NRG1: variants seen among roughly 807,000 people sequenced by gnomAD.
The protein encoded by NRG1 is neuregulin 1.
Under a neutral mutation model 63.8 loss-of-function variants are expected in NRG1, and 18 were observed. The observed-to-expected ratio is 0.28, with a 90% CI of 0.19 to 0.42. The LOEUF is 0.42. Ranked by LOEUF, NRG1 falls within the 10% of genes least tolerant of loss-of-function variation. NRG1 has a pLI of 1.00. For missense variants in NRG1, 762 were observed against 814.7 expected (o/e 0.94, Z 0.79); for synonymous variants, 302 against 301.3 (o/e 1.00, Z -0.02).
At chr8:32,658,942 T>C (rs1166756305) in intron 5 of NRG1, among the ~76,000 whole-genome samples, 1 of 152,238 alleles carries the variant, frequency 6.6e-6, no homozygotes, top group Non-Finnish European at 1.5e-5. Context: ...TATGTCACTC[T>C]TGCTCTGTTC....
chr8:31,784,202 C>T (rs1375418513), intron 1 of NRG1, among the ~76,000 whole-genome samples: 1 of 152,114 alleles, frequency 6.6e-6, no homozygotes, highest in Non-Finnish European at 1.5e-5. Context: ...TTGAATTTAC[C>T]CTCAGGGTGG....
intron 1 of NRG1, among the ~76,000 whole-genome samples, chr8:32,189,326 G>A (rs10102035): frequency 0.62 from 93,786 of 151,970 alleles, 29,901 homozygotes; most frequent in Admixed American, 0.72. Context: ...AAGTGAGAAC[G>A]TGTAGTATTT....
intron 1 of NRG1, among the ~76,000 whole-genome samples, chr8:32,132,377 T>A (rs1399222022): frequency 6.6e-6 from 1 of 152,064 alleles, no homozygotes; most frequent in Non-Finnish European, 1.5e-5. Context: ...CTCTACACCA[T>A]ACTAATTTCC....
At chr8:32,613,049 A>G (rs1056547912) in intron 3 of NRG1, among the ~76,000 whole-genome samples, 2 of 152,050 alleles carry the variant, frequency 1.3e-5, no homozygotes, top group Non-Finnish European at 2.9e-5. Flanking sequence ...ATATCTTCAT[A>G]TTACCAATTC....
intron 1 of NRG1, among the ~76,000 whole-genome samples, chr8:32,053,481 C>G (rs1822324240): frequency 6.6e-6 from 1 of 152,122 alleles, no homozygotes; most frequent in Non-Finnish European, 1.5e-5. Flanking sequence ...ATTTGCAGCA[C>G]TAGAAATGGA....
intron 1 of NRG1, among the ~76,000 whole-genome samples, chr8:32,450,074 C>G (rs1229305506): frequency 2.0e-5 from 3 of 152,052 alleles, no homozygotes; most frequent in Non-Finnish European, 4.4e-5. Flanking sequence ...ACCTGGCAAC[C>G]CGGTGGGCAG....
chr8:32,417,739 G>C (rs780815441), intron 1 of NRG1, among the ~76,000 whole-genome samples: 1 of 151,062 alleles, frequency 6.6e-6, no homozygotes, highest in African/African-American at 2.4e-5. Context: ...GAGGGGGAGG[G>C]GGGGTGTGTT....
chr8:32,508,077 G>A (rs1828742016), intron 1 of NRG1, among the ~76,000 whole-genome samples: 1 of 152,310 alleles, frequency 6.6e-6, no homozygotes, highest in Non-Finnish European at 1.5e-5. Context: ...AAACTCTGAC[G>A]TAGCTAAACC....
chr8:32,095,056 C>A (rs900306231), intron 1 of NRG1, among the ~76,000 whole-genome samples: 3 of 152,106 alleles, frequency 2.0e-5, no homozygotes, highest in Admixed American at 1.3e-4. Context: ...GGATTACAGG[C>A]ACACGCCATC....
Position 32,578,904 on chromosome 8 carries a change from G to A in NRG1, c.101-16924G>A, listed in dbSNP as rs1202276943. On this transcript the variant is annotated intron_variant, in intron 1 of 11. Transcript: ENST00000356819. ...CAAGTGAGGGATTTCATTAGACCTT[G>A]ACTTAGAATTGAATGTAATGTTAAT... Among the ~76,000 whole-genome samples the A allele has an allele frequency of 3.9e-5, 6 of 152,272 alleles. No individual in the cohort carries two copies. The East Asian group carries it at 1.2e-3, about 29-fold the overall frequency.
chr8:32,180,569 TG>T (rs1422586522), intron 1 of NRG1, among the ~76,000 whole-genome samples: 1 of 152,156 alleles, frequency 6.6e-6, no homozygotes, highest in Non-Finnish European at 1.5e-5. Flanking sequence ...TGGTTTCTAT[TG>T]GTGACAAAAA....
At chr8:32,773,283 C>T (rs906377651) in intron 7 of NRG1, among the ~76,000 whole-genome samples, 1 of 152,080 alleles carries the variant, frequency 6.6e-6, no homozygotes, top group Non-Finnish European at 1.5e-5. Flanking sequence ...ATATGCTAAT[C>T]CACCACACAT....
At chr8:32,713,736 ATAT>A (rs1189271664) in intron 5 of NRG1, among the ~76,000 whole-genome samples, 2 of 145,986 alleles carry the variant, frequency 1.4e-5, no homozygotes, top group Non-Finnish European at 3.0e-5. Flanking sequence ...TAAATATATA[ATAT>A]ATTTGTTATA....
At chr8:31,829,620 G>A (rs184576565) in intron 1 of NRG1, among the ~76,000 whole-genome samples, 4 of 152,302 alleles carry the variant, frequency 2.6e-5, no homozygotes, top group Non-Finnish European at 4.4e-5. Flanking sequence ...TACTCTGTGA[G>A]GGTTTCTAAG....
intron 1 of NRG1, among the ~76,000 whole-genome samples, chr8:31,695,670 G>A (rs1406620876): frequency 6.6e-6 from 1 of 152,208 alleles, no homozygotes; most frequent in African/African-American, 2.4e-5. Flanking sequence ...ACTTAATGTA[G>A]ATAGTTTCTG....
intron 6 of NRG1, among the ~76,000 whole-genome samples, chr8:32,734,538 T>C (rs1824522651): frequency 6.6e-6 from 1 of 152,248 alleles, no homozygotes; most frequent in Admixed American, 6.5e-5. Flanking sequence ...TTCTCTGTTC[T>C]TGAATATTGT....
At chr8:32,375,027 G>C (rs117300232) in intron 1 of NRG1, among the ~76,000 whole-genome samples, 8,535 of 152,248 alleles carry the variant, frequency 0.056, 316 homozygotes, top group Middle Eastern at 0.099. Flanking sequence ...CTGTCACCCA[G>C]GCTGGAGTGC....
intron 5 of NRG1, among the ~76,000 whole-genome samples, chr8:32,676,110 G>A (rs1464661589): frequency 6.6e-6 from 1 of 152,156 alleles, no homozygotes; most frequent in Non-Finnish European, 1.5e-5. Context: ...TTGCCATGGA[G>A]GTCAGTATCA....
intron 1 of NRG1, among the ~76,000 whole-genome samples, chr8:32,283,884 A>C (rs1853187272): frequency 6.6e-6 from 1 of 152,172 alleles, no homozygotes; most frequent in African/African-American, 2.4e-5. Flanking sequence ...TTGGATGCTT[A>C]GAAAAAATTC....
Sources: allele counts gnomAD v4.1 joint callset (sites outside exome capture counted in the v4.1 genomes callset), GRCh38; gene constraint gnomAD v4.1.1; transcripts MANE v1.5; gene names NCBI Gene and HGNC (gene_info 2026-07-23, HGNC 2026-07-21).